Variants in PIWIL2 observed in about 807,000 individuals in gnomAD.
PIWIL2 encodes piwi like RNA-mediated gene silencing 2.
In PIWIL2, 81 loss-of-function variants were observed where a neutral mutation model predicts 116.5. That is an observed-to-expected ratio of 0.70 (90% CI 0.58 to 0.84). The LOEUF (loss-of-function observed/expected upper bound fraction) is 0.84. Among genes scored for constraint, PIWIL2 ranks in the 40% least tolerant of loss-of-function variants. The pLI is 0.00. For synonymous variants in PIWIL2, 489 were observed against 429.5 expected, an observed-to-expected ratio of 1.14 and a Z score of -1.71; for missense variants, 1,272 against 1,212.3, an observed-to-expected ratio of 1.05 and a Z score of -0.73.
rs1832497920 is a variant in PIWIL2, at chr8:22,356,747, C to T, written c.*1242C>T. 6.6e-6 allele frequency: 1 copy of T among 152,146 alleles called. No individual in the cohort carries two copies. Among genetic ancestry groups the T allele is most frequent in the Admixed American group, 6.6e-5 (1 of 15,262 alleles). The allele number at this position is 152,146 out of a possible 1,614,324, so 9.4% of individuals were successfully genotyped here. A position where few individuals can be genotyped will look rare whatever the true frequency, so the allele number is the denominator to read the frequency against. ...TTTTCTGAATCCAGGTTAAGATTTC[C>T]AGAAGTCAGCTTTGGAAAACGTGAC... is the stretch of plus-strand genomic sequence containing the variant. On this transcript the variant is annotated 3_prime_UTR_variant, in exon 23 of 23. Coordinates refer to ENST00000356766, the MANE Select transcript of PIWIL2 (RefSeq NM_018068.5).
intron 14 of PIWIL2, 73 bp from the exon 15 acceptor site, chr8:22,309,888 T>TA (rs1261221353): frequency 2.0e-5 from 17 of 843,812 alleles, no homozygotes; most frequent in Non-Finnish European, 3.4e-5. Flanking sequence ...GCAGGCCTTA[T>TA]AGAGCAGTAG....
Position 22,355,693 on chromosome 8 carries a change from C to T in PIWIL2, c.*188C>T, listed in dbSNP as rs968482980. 4.9e-6 allele frequency: 3 copies of T among 613,776 alleles called. No homozygotes were observed. The East Asian group carries it at 8.5e-5, about 17-fold the overall frequency. The allele number at this position is 613,776 out of a possible 1,614,324, so 38.0% of individuals were successfully genotyped here. On this transcript the variant is annotated 3_prime_UTR_variant, in exon 23 of 23. Transcript: ENST00000356766. Reference sequence around the variant, plus strand: ...CACCAAGAAGCAAGTTTCTGAGTAACAGCTGAAAATGGCCTTGTTGCCTGT... The same window carrying T: ...CACCAAGAAGCAAGTTTCTGAGTAATAGCTGAAAATGGCCTTGTTGCCTGT...
Position 22,354,188 on chromosome 8 carries a change from G to T in PIWIL2, c.2658-83G>T. 1.1e-5 allele frequency: 10 copies of T among 880,684 alleles called. No homozygotes were observed. The South Asian group carries it at 1.2e-4, about 11-fold the overall frequency. The allele number at this position is 880,684 out of a possible 1,614,324, so 54.6% of individuals were successfully genotyped here. On this transcript the variant is annotated intron_variant, in intron 21 of 22. Coordinates refer to ENST00000356766, the MANE Select transcript of PIWIL2 (RefSeq NM_018068.5). ...TGAGCTCTCTGAGCTTTAGTTGAAG[G>T]AGCTAGAACGATCTCCAGGATCTTT...
chr8:22,285,717 C>T (rs939511578), intron 6 of PIWIL2, among the ~76,000 whole-genome samples: 2 of 152,078 alleles, frequency 1.3e-5, no homozygotes, highest in African/African-American at 4.8e-5. Context: ...TCTCAGCTCA[C>T]TGCAACCTCT....
chr8:22,301,031 G>A lies in PIWIL2; in HGVS notation c.1182-2990G>A, dbSNP rs562485716. On this transcript the variant is annotated intron_variant, in intron 10 of 22. Coordinates refer to ENST00000356766, the MANE Select transcript of PIWIL2 (RefSeq NM_018068.5). ...ACAGAGTCTTGCTCTGTTGGCTGGAGCGCAGAGGTGCAGTCACATCTCACT... is the reference window on the plus strand; with the variant it reads ...ACAGAGTCTTGCTCTGTTGGCTGGAACGCAGAGGTGCAGTCACATCTCACT... 2.0e-5 allele frequency among the ~76,000 whole-genome samples: 3 copies of A among 151,934 alleles called. No homozygotes were observed. The East Asian group carries it at 5.8e-4, about 29-fold the overall frequency.
chr8:22,300,637 A>T (rs7357478), intron 10 of PIWIL2, among the ~76,000 whole-genome samples: 1 of 152,020 alleles, frequency 6.6e-6, no homozygotes, highest in Admixed American at 6.6e-5. Context: ...GAGAATTCAG[A>T]TTGTTCCACA....
chr8:22,341,978 A>T (rs1431027319), intron 20 of PIWIL2, among the ~76,000 whole-genome samples: 4 of 95,660 alleles, frequency 4.2e-5, no homozygotes, highest in African/African-American at 1.0e-4. Context: ...CTATTGCTGT[A>T]AAAAAAAAAA....
chr8:22,319,854 A>G (rs1831553194), intron 20 of PIWIL2, among the ~76,000 whole-genome samples: 2 of 152,236 alleles, frequency 1.3e-5, no homozygotes, highest in Non-Finnish European at 2.9e-5. Flanking sequence ...TAATTGTCCA[A>G]GGAGTCACAA....
intron 20 of PIWIL2, among the ~76,000 whole-genome samples, chr8:22,327,567 A>G (rs1386041438): frequency 5.9e-5 from 9 of 151,582 alleles, no homozygotes; most frequent in African/African-American, 2.2e-4. Context: ...GGGTTTCTCC[A>G]TGTTGGTCAG....
chr8:22,280,157 A>G (rs1485878858), intron 2 of PIWIL2, among the ~76,000 whole-genome samples: 12 of 152,196 alleles, frequency 7.9e-5, no homozygotes, highest in Admixed American at 7.9e-4. Flanking sequence ...TCATCCCTCC[A>G]TCCCTCCATC....
intron 20 of PIWIL2, among the ~76,000 whole-genome samples, chr8:22,351,713 T>C (rs554245371): frequency 6.6e-6 from 1 of 151,054 alleles, no homozygotes; most frequent in South Asian, 2.1e-4. Context: ...AATTTTTGTA[T>C]TTTTAGTAGA....
rs147813035 is a variant in PIWIL2, at chr8:22,332,213, G to A, written c.2403+13938G>A. On this transcript the variant is annotated intron_variant, in intron 20 of 22. Transcript: ENST00000356766. ...CCAGCTTCTCAGGAGGCTGAGTCAC[G>A]AGAACAGCTTGAACCTGGGAGGCAG... is the stretch of plus-strand genomic sequence containing the variant. Among the ~76,000 whole-genome samples, 39 of 152,208 alleles carry A rather than the reference G, an allele frequency of 2.6e-4. 1 individual carries two copies. The highest frequency in any genetic ancestry group is 9.2e-4 in the African/African-American group (38 of 41,486).
At chr8:22,282,244 CTTTTTTTTTT>C (rs34130038) in intron 4 of PIWIL2, among the ~76,000 whole-genome samples, 1 of 33,570 alleles carries the variant, frequency 3.0e-5, no homozygotes, top group Admixed American at 5.0e-4. Flanking sequence ...CCACACCCGG[CTTTTTTTTTT>C]TTTTTTTTTT....
At chr8:22,298,402 G>A (rs768727045) in intron 10 of PIWIL2, among the ~76,000 whole-genome samples, 15 of 152,194 alleles carry the variant, frequency 9.9e-5, no homozygotes, top group Non-Finnish European at 1.8e-4. Flanking sequence ...TTTTACGTAA[G>A]GAAGTAAGGC....
At chr8:22,281,041 T>C in intron 2 of PIWIL2, 79 bp from the exon 3 acceptor site, 1 of 789,282 alleles carries the variant, frequency 1.3e-6, no homozygotes, top group Non-Finnish European at 2.1e-6. Flanking sequence ...ATGATTTTAT[T>C]ATATACCAAG....
intron 20 of PIWIL2, among the ~76,000 whole-genome samples, chr8:22,321,350 C>T (rs1355669035): frequency 7.9e-5 from 12 of 151,970 alleles, no homozygotes; most frequent in African/African-American, 2.9e-4. Flanking sequence ...TGGGCTCAAG[C>T]GATCCTCCCA....
chr8:22,300,584 C>T (rs552732169), intron 10 of PIWIL2, among the ~76,000 whole-genome samples: 3 of 152,296 alleles, frequency 2.0e-5, no homozygotes, highest in Admixed American at 6.5e-5. Context: ...GAAAGTCTTT[C>T]CCAAAGTGTC....
intron 21 of PIWIL2, among the ~76,000 whole-genome samples, chr8:22,353,764 C>CCTTTTTTTTT (rs1832427021): frequency 1.5e-5 from 1 of 68,328 alleles, no homozygotes; most frequent in Non-Finnish European, 2.6e-5. Flanking sequence ...GTTTCTACCA[C>CCTTTTTTTTT]TTTTTTTTTT....
At chr8:22,351,860 T>C (rs1233586032) in intron 20 of PIWIL2, among the ~76,000 whole-genome samples, 1 of 150,502 alleles carries the variant, frequency 6.6e-6, no homozygotes, top group African/African-American at 2.4e-5. Context: ...TTTTTGAGGG[T>C]AAGTATGAAC....
Sources: gnomAD v4.1 joint callset for allele counts (sites outside exome capture counted in the v4.1 genomes callset) on GRCh38, gnomAD v4.1.1 for gene constraint, MANE v1.5 for transcripts, NCBI Gene and HGNC (gene_info 2026-07-23, HGNC 2026-07-21) for gene names.